Variants in LRP1B observed in about 807,000 individuals in gnomAD.
LRP1B encodes the protein LDL receptor related protein 1B, also known as low-density lipoprotein receptor-related protein 1B.
In LRP1B, 217 loss-of-function variants were observed where a neutral mutation model predicts 556.6. The ratio of observed to expected loss-of-function variants is 0.39; its 90% confidence interval spans 0.35 to 0.44. The LOEUF is 0.44. Among genes scored for constraint, LRP1B ranks in the 20% least tolerant of loss-of-function variants. LRP1B has a pLI of 1.00. For missense variants in LRP1B, 5,053 were observed against 5,620.8 expected (o/e 0.90, Z 3.23); for synonymous variants, 2,047 against 1,865.8 (o/e 1.10, Z -2.50).
intron 47 of LRP1B, among the ~76,000 whole-genome samples, chr2:140,527,676 G>T (rs936016715): frequency 2.3e-4 from 2 of 8,882 alleles, no homozygotes; most frequent in Admixed American, 4.2e-3. Flanking sequence ...TTCCAAAACG[G>T]AAAAAAGTTT....
At chr2:140,997,820 C>T (rs950015714) in intron 15 of LRP1B, among the ~76,000 whole-genome samples, 17 of 151,748 alleles carry the variant, frequency 1.1e-4, no homozygotes, top group African/African-American at 3.6e-4. Flanking sequence ...TATATAAGCT[C>T]GCCTATACCG....
intron 1 of LRP1B, among the ~76,000 whole-genome samples, chr2:142,069,023 C>T (rs1705214844): frequency 6.6e-6 from 1 of 151,016 alleles, no homozygotes; most frequent in African/African-American, 2.4e-5. Context: ...TGTCGCTCTC[C>T]CTCTCTCTGT....
chr2:140,550,678 T>C (rs918233989), intron 43 of LRP1B, among the ~76,000 whole-genome samples: 2 of 152,194 alleles, frequency 1.3e-5, no homozygotes, highest in African/African-American at 4.8e-5. Flanking sequence ...TTTATCCTAT[T>C]GGAAATCTGA....
intron 1 of LRP1B, among the ~76,000 whole-genome samples, chr2:141,848,621 T>G (rs1348739437): frequency 6.6e-6 from 1 of 151,568 alleles, no homozygotes; most frequent in African/African-American, 2.4e-5. Context: ...AACAATACCA[T>G]TTGGTTACAT....
At chr2:141,027,823 A>G (rs922689843) in intron 11 of LRP1B, among the ~76,000 whole-genome samples, 3 of 152,096 alleles carry the variant, frequency 2.0e-5, no homozygotes, top group African/African-American at 7.2e-5. Flanking sequence ...CCTTATAAGA[A>G]GAGACCAGAG....
At chr2:141,248,366 A>G (rs1684143662) in intron 4 of LRP1B, among the ~76,000 whole-genome samples, 1 of 152,166 alleles carries the variant, frequency 6.6e-6, no homozygotes, top group Non-Finnish European at 1.5e-5. Flanking sequence ...ATGATACTAT[A>G]CATTTCCTTA....
chr2:142,076,364 C>A (rs1705502023), intron 1 of LRP1B, among the ~76,000 whole-genome samples: 1 of 152,042 alleles, frequency 6.6e-6, no homozygotes, highest in East Asian at 1.9e-4. Flanking sequence ...TAGGCTTATC[C>A]ATTTAGAAAG....
intron 1 of LRP1B, among the ~76,000 whole-genome samples, chr2:142,078,586 C>T (rs928129319): frequency 8.5e-5 from 13 of 152,064 alleles, no homozygotes; most frequent in East Asian, 1.9e-4. Flanking sequence ...CCCTGTACAG[C>T]GGGTAAAACA....
intron 35 of LRP1B, among the ~76,000 whole-genome samples, chr2:140,722,459 T>C (rs1687446536): frequency 6.6e-6 from 1 of 152,198 alleles, no homozygotes; most frequent in Admixed American, 6.5e-5. Flanking sequence ...ATCTATACTT[T>C]TTTCAACTAT....
chr2:141,968,861 C>T (rs534052362), intron 1 of LRP1B, among the ~76,000 whole-genome samples: 5 of 151,788 alleles, frequency 3.3e-5, no homozygotes, highest in East Asian at 1.9e-4. Flanking sequence ...TAATCTCTAC[C>T]GCATTATTAA....
At chr2:141,654,273 C>A (rs1190260960) in intron 2 of LRP1B, among the ~76,000 whole-genome samples, 1 of 152,130 alleles carries the variant, frequency 6.6e-6, no homozygotes, top group Non-Finnish European at 1.5e-5. Flanking sequence ...TATAAACCAT[C>A]AGACCCTTTG....
intron 77 of LRP1B, among the ~76,000 whole-genome samples, chr2:140,345,998 T>G (rs1270962041): frequency 6.6e-6 from 1 of 150,828 alleles, no homozygotes; most frequent in East Asian, 2.0e-4. Flanking sequence ...ATTATTTAAT[T>G]CCTTTAATAC....
At chr2:141,134,917 G>A (rs1207594205) in intron 7 of LRP1B, among the ~76,000 whole-genome samples, 2 of 151,482 alleles carry the variant, frequency 1.3e-5, no homozygotes, top group Admixed American at 1.3e-4. Context: ...TAAATTCAAG[G>A]TATTTATATA....
At chr2:141,421,117 G>A (rs1426339236) in intron 3 of LRP1B, among the ~76,000 whole-genome samples, 1 of 152,202 alleles carries the variant, frequency 6.6e-6, no homozygotes, top group East Asian at 1.9e-4. Flanking sequence ...TTCATACACT[G>A]TTGTTAAAGT....
intron 2 of LRP1B, among the ~76,000 whole-genome samples, chr2:141,806,195 A>G (rs1004493841): frequency 4.6e-5 from 7 of 152,102 alleles, no homozygotes; most frequent in African/African-American, 1.7e-4. Flanking sequence ...AATACCTCAG[A>G]ATAAAAGTGC....
chr2:140,618,050 T>C (rs1241051847), intron 41 of LRP1B, among the ~76,000 whole-genome samples: 2 of 152,134 alleles, frequency 1.3e-5, no homozygotes, highest in African/African-American at 4.8e-5. Flanking sequence ...TACACTAATT[T>C]TAAACATTTA....
At chr2:141,808,325 C>A (rs1696228808) in intron 2 of LRP1B, among the ~76,000 whole-genome samples, 1 of 151,966 alleles carries the variant, frequency 6.6e-6, no homozygotes, top group Non-Finnish European at 1.5e-5. Context: ...AGACCCTATA[C>A]CAAAATTAAA....
chr2:141,841,991 A>T (rs1697493837), intron 1 of LRP1B, among the ~76,000 whole-genome samples: 1 of 152,164 alleles, frequency 6.6e-6, no homozygotes, highest in African/African-American at 2.4e-5. Flanking sequence ...TGAGAAAAAA[A>T]GTCAGGGTAG....
chr2:141,114,462 G>A (rs1343052927), intron 7 of LRP1B, among the ~76,000 whole-genome samples: 1 of 152,144 alleles, frequency 6.6e-6, no homozygotes, highest in African/African-American at 2.4e-5. Context: ...GGGATGGAGT[G>A]TGAAGACGAT....
Sources: gnomAD v4.1 joint callset for allele counts (sites outside exome capture counted in the v4.1 genomes callset) on GRCh38, gnomAD v4.1.1 for gene constraint, MANE v1.5 for transcripts, NCBI Gene and HGNC (gene_info 2026-07-23, HGNC 2026-07-21) for gene names.